The following CELF2 variants were observed in gnomAD, a reference collection of about 807,000 sequenced individuals.
CELF2 encodes CUGBP Elav-like family member 2.
A neutral mutation model predicts 62.6 loss-of-function variants in CELF2; 8 were observed. The ratio of observed to expected loss-of-function variants is 0.13; its 90% CI spans 0.07 to 0.23. The LOEUF (loss-of-function observed/expected upper bound fraction) is 0.23, where lower values mean the gene tolerates loss of function less well. CELF2 is among the 10% of genes least tolerant of loss of function. The pLI is 1.00. For missense variants in CELF2, 333 were observed against 671.0 expected, an observed-to-expected ratio of 0.50 and a Z score of 5.56; for synonymous variants, 258 against 250.0, an observed-to-expected ratio of 1.03 and a Z score of -0.30.
chr10:10,567,771 C>T, the CELF2 span, among the ~76,000 whole-genome samples: 3 of 152,112 alleles, frequency 2.0e-5, no homozygotes, highest in South Asian at 2.1e-4. Context: ...CCCCCTTGAG[C>T]GGAGATACTT....
the CELF2 span, among the ~76,000 whole-genome samples, chr10:10,529,022 C>T: frequency 6.6e-6 from 1 of 152,130 alleles, no homozygotes; most frequent in Admixed American, 6.5e-5. Context: ...TCTTATCAGC[C>T]TGAGCAGGAT....
intron 2 of CELF2, among the ~76,000 whole-genome samples, chr10:10,932,364 G>A (rs969933351): frequency 6.6e-6 from 1 of 152,066 alleles, no homozygotes; most frequent in African/African-American, 2.4e-5. Flanking sequence ...ATTAATTTAT[G>A]TATACTGGAA....
At chr10:10,953,843 A>G (rs1396111782) in intron 2 of CELF2, among the ~76,000 whole-genome samples, 1 of 151,878 alleles carries the variant, frequency 6.6e-6, no homozygotes, top group Non-Finnish European at 1.5e-5. Flanking sequence ...GACAAACCAG[A>G]AAAAAAATTT....
chr10:11,101,361 C>CA (rs1564743012), intron 1 of CELF2, among the ~76,000 whole-genome samples: 1 of 152,096 alleles, frequency 6.6e-6, no homozygotes, highest in African/African-American at 2.4e-5. Flanking sequence ...TAAATGGTGA[C>CA]TGTATATAGG....
At chr10:10,981,280 G>A (rs1190107561) in intron 2 of CELF2, among the ~76,000 whole-genome samples, 4 of 152,212 alleles carry the variant, frequency 2.6e-5, no homozygotes, top group Non-Finnish European at 5.9e-5. Flanking sequence ...AGGCTGAGGA[G>A]GGAATGAGCT....
At chr10:10,561,549 G>A in the CELF2 span, among the ~76,000 whole-genome samples, 1 of 152,152 alleles carries the variant, frequency 6.6e-6, no homozygotes, top group Non-Finnish European at 1.5e-5. Flanking sequence ...TAAGTATCTT[G>A]GATTTTGATG....
At chr10:10,724,350 T>G in the CELF2 span, among the ~76,000 whole-genome samples, 10 of 152,104 alleles carry the variant, frequency 6.6e-5, no homozygotes, top group Non-Finnish European at 1.2e-4. Flanking sequence ...AAGATTAGGC[T>G]GGGTGTGGTG....
At chr10:11,251,459 C>T (rs1411160239) in intron 4 of CELF2, among the ~76,000 whole-genome samples, 3 of 151,958 alleles carry the variant, frequency 2.0e-5, no homozygotes, top group Non-Finnish European at 2.9e-5. Context: ...CATAATAAAA[C>T]TGTCATGGGC....
At chr10:10,714,919 C>A in the CELF2 span, among the ~76,000 whole-genome samples, 4 of 151,512 alleles carry the variant, frequency 2.6e-5, no homozygotes, top group African/African-American at 7.3e-5. Context: ...GTTGTTATTA[C>A]AAAGGCATTT....
At chr10:10,758,655 G>A in the CELF2 span, among the ~76,000 whole-genome samples, 3 of 152,120 alleles carry the variant, frequency 2.0e-5, no homozygotes, top group Non-Finnish European at 2.9e-5. Flanking sequence ...TAAATCAGTT[G>A]GTTAATTATC....
chr10:10,870,945 G>A (rs930252110), intron 1 of CELF2, among the ~76,000 whole-genome samples: 7 of 152,142 alleles, frequency 4.6e-5, no homozygotes, highest in East Asian at 1.9e-4. Context: ...GCAGTGGCCC[G>A]AAGTAGACAA....
chr10:10,563,018 T>C, the CELF2 span, among the ~76,000 whole-genome samples: 3 of 152,136 alleles, frequency 2.0e-5, no homozygotes, highest in African/African-American at 7.2e-5. Flanking sequence ...TCTCTTTTCT[T>C]TTATTAAAAC....
At chr10:11,118,105 C>A (rs2056961129) in intron 1 of CELF2, among the ~76,000 whole-genome samples, 1 of 151,898 alleles carries the variant, frequency 6.6e-6, no homozygotes, top group Non-Finnish European at 1.5e-5. Flanking sequence ...TATAAGCATG[C>A]CTGTGAATTA....
chr10:11,072,468 G>A (rs1005414159), intron 1 of CELF2, among the ~76,000 whole-genome samples: 1 of 152,204 alleles, frequency 6.6e-6, no homozygotes, highest in South Asian at 2.1e-4. Context: ...TCTACAGTCA[G>A]TGCTCACTTT....
chr10:10,565,467 G>T, the CELF2 span, among the ~76,000 whole-genome samples: 1 of 152,214 alleles, frequency 6.6e-6, no homozygotes, highest in Non-Finnish European at 1.5e-5. Context: ...TTCCTCAAAA[G>T]AGAATGACTG....
chr10:10,967,178 C>T (rs1326989325), intron 2 of CELF2, among the ~76,000 whole-genome samples: 1 of 152,144 alleles, frequency 6.6e-6, no homozygotes, highest in Non-Finnish European at 1.5e-5. Flanking sequence ...GAGGGAGGCA[C>T]AGAGACAGCT....
At chr10:10,561,420 A>T in the CELF2 span, among the ~76,000 whole-genome samples, 4 of 152,184 alleles carry the variant, frequency 2.6e-5, no homozygotes, top group Non-Finnish European at 5.9e-5. Context: ...CAACAAATAC[A>T]TGTTAAGTAC....
chr10:10,762,717 A>G, the CELF2 span, among the ~76,000 whole-genome samples: 1 of 152,152 alleles, frequency 6.6e-6, no homozygotes, highest in Non-Finnish European at 1.5e-5. Flanking sequence ...TATGGTGAGC[A>G]GTTCCAGAAG....
At chr10:11,233,485 T>A (rs1034798257) in intron 3 of CELF2, among the ~76,000 whole-genome samples, 1 of 152,224 alleles carries the variant, frequency 6.6e-6, no homozygotes, top group Non-Finnish European at 1.5e-5. Context: ...GCCAAATGTT[T>A]ATCTGAAAAT....
Sources: gnomAD v4.1 joint callset for allele counts (sites outside exome capture counted in the v4.1 genomes callset) on GRCh38, gnomAD v4.1.1 for gene constraint, MANE v1.5 for transcripts, NCBI Gene and HGNC (gene_info 2026-07-23, HGNC 2026-07-21) for gene names.